Variants in RMDN2 observed in about 807,000 individuals in gnomAD.
RMDN2 encodes regulator of microtubule dynamics 2, also known as regulator of microtubule dynamics protein 2.
Under a neutral mutation model 52.8 loss-of-function variants are expected in RMDN2, and 61 were observed. That is an observed-to-expected ratio of 1.16 (90% CI 0.94 to 1.43). The LOEUF (loss-of-function observed/expected upper bound fraction) is 1.43. Ranked by LOEUF, RMDN2 falls within the 40% of genes most tolerant of loss-of-function variation. RMDN2 has a pLI of 0.00. For missense variants in RMDN2, 592 were observed against 475.3 expected (o/e 1.25, Z -2.28); for synonymous variants, 180 against 153.1 (o/e 1.18, Z -1.30).
intron 7 of RMDN2, among the ~76,000 whole-genome samples, chr2:37,992,831 G>T (rs1026786984): frequency 6.6e-6 from 1 of 152,128 alleles, no homozygotes; most frequent in South Asian, 2.1e-4. Flanking sequence ...ACCCTATAAG[G>T]TTAATAAGGT....
In RMDN2 at chr2:37,950,512, G is replaced by C. The variant is rs777759867; in HGVS notation, c.452+20783G>C. Reference sequence around the variant, plus strand: ...TTCTGACCTGTTCCACCTCTACAGGGCATTTTATGGCTTAAGGATGACGGC... The same window carrying C: ...TTCTGACCTGTTCCACCTCTACAGGCCATTTTATGGCTTAAGGATGACGGC... On this transcript the variant is annotated intron_variant, in intron 2 of 10. Transcript: ENST00000354545. 1.3e-5 allele frequency: 21 copies of C among 1,612,584 alleles called. No individual in the cohort carries two copies. The African/African-American group carries it at 2.3e-4, about 17-fold the overall frequency.
At chr2:38,000,064 A>C (rs544762319) in intron 8 of RMDN2, among the ~76,000 whole-genome samples, 25 of 152,318 alleles carry the variant, frequency 1.6e-4, no homozygotes, top group African/African-American at 5.8e-4. Context: ...AATGTTAGCT[A>C]CTATTGTTTT....
chr2:37,961,726 T>C (rs1362156816), intron 2 of RMDN2, among the ~76,000 whole-genome samples: 1 of 152,068 alleles, frequency 6.6e-6, no homozygotes, highest in Non-Finnish European at 1.5e-5. Context: ...CCAGCTTTGT[T>C]CCCTTGCTGG....
chr2:37,998,251 A>C (rs1675839438), intron 8 of RMDN2: 2 of 152,238 alleles, frequency 1.3e-5, no homozygotes, highest in South Asian at 2.1e-4. Flanking sequence ...ACAAGGCTGC[A>C]TGCAGTGGCT....
intron 10 of RMDN2, among the ~76,000 whole-genome samples, chr2:38,014,271 G>A (rs116306947): frequency 0.016 from 2,496 of 152,148 alleles, 59 homozygotes; most frequent in African/African-American, 0.057. Context: ...TTTTCCCGCT[G>A]TCTAAACAGT....
At chr2:37,978,948 T>C (rs1672944779) in intron 4 of RMDN2, among the ~76,000 whole-genome samples, 1 of 152,182 alleles carries the variant, frequency 6.6e-6, no homozygotes, top group Non-Finnish European at 1.5e-5. Context: ...TCTCTATTCT[T>C]AAATGGAATG....
chr2:37,976,913 C>A lies in RMDN2; in HGVS notation c.730+1599C>A, dbSNP rs1468469059. On this transcript the variant is annotated intron_variant, in intron 4 of 10. Transcript: ENST00000354545. ...CTCGGAGAGGGGGATTTGGCAGGGTCACAGGACAATAGTGGAGGGAAGGTC... is the reference window on the plus strand; with the variant it reads ...CTCGGAGAGGGGGATTTGGCAGGGTAACAGGACAATAGTGGAGGGAAGGTC... 2.6e-5 allele frequency among the ~76,000 whole-genome samples: 4 copies of A among 151,032 alleles called. 1 individual carries two copies. Among genetic ancestry groups the A allele is most frequent in the Admixed American group, 6.6e-5 (1 of 15,158 alleles).
chr2:37,937,029 T>A lies in RMDN2; in HGVS notation c.452+7300T>A, dbSNP rs1186832853. ...TTCTAGGGTTTTTATGGTTTTCAGG[T>A]CTTAACGCTTAAGTCTTTAATCCAA... On this transcript the variant is annotated intron_variant, in intron 2 of 10. Coordinates refer to ENST00000354545, the MANE Select transcript of RMDN2 (RefSeq NM_001170791.3). Among the ~76,000 whole-genome samples the A allele has an allele frequency of 2.6e-5, 4 of 152,346 alleles. No individual in the cohort carries two copies. The East Asian group carries it at 7.7e-4, about 29-fold the overall frequency.
At chr2:37,951,433 C>G (rs748185366) in intron 2 of RMDN2, 1 of 1,611,920 alleles carries the variant, frequency 6.2e-7, no homozygotes, top group East Asian at 2.2e-5. Flanking sequence ...CCATCTTTCT[C>G]TGAAAGAAGA....
chr2:37,934,686 A>T (rs1011456657), intron 2 of RMDN2, among the ~76,000 whole-genome samples: 17 of 152,184 alleles, frequency 1.1e-4, no homozygotes, highest in Non-Finnish European at 2.4e-4. Flanking sequence ...GGAGGATGAT[A>T]TCAGAGGCTG....
intron 10 of RMDN2, among the ~76,000 whole-genome samples, chr2:38,051,682 CT>C (rs1352526249): frequency 6.6e-6 from 1 of 152,176 alleles, no homozygotes; most frequent in Non-Finnish European, 1.5e-5. Context: ...TCCTCTCCCC[CT>C]ACACATACCT....
At chr2:37,993,457 T>C (rs1283706107) in intron 7 of RMDN2, among the ~76,000 whole-genome samples, 1 of 151,108 alleles carries the variant, frequency 6.6e-6, no homozygotes, top group Non-Finnish European at 1.5e-5. Context: ...TATCTTAAAG[T>C]GTGTGTTAGT....
chr2:37,967,470 G>A (rs1354088989), intron 2 of RMDN2, among the ~76,000 whole-genome samples: 2 of 152,158 alleles, frequency 1.3e-5, no homozygotes, highest in Non-Finnish European at 2.9e-5. Flanking sequence ...AGGTGAAAGT[G>A]GTCCAATCAA....
intron 4 of RMDN2, 78 bp downstream of exon 4, chr2:37,975,392 T>A (rs1672338046): frequency 3.7e-6 from 3 of 819,388 alleles, no homozygotes; most frequent in Non-Finnish European, 6.2e-6. Context: ...AAAGGATGAG[T>A]TCATGTCCTT....
chr2:37,968,238 C>T (rs571286020), intron 2 of RMDN2, among the ~76,000 whole-genome samples: 2 of 151,950 alleles, frequency 1.3e-5, no homozygotes, highest in East Asian at 1.9e-4. Context: ...GTCAGGAGTT[C>T]GAGACCAGCC....
chr2:38,043,192 T>C (rs149458205), intron 10 of RMDN2, among the ~76,000 whole-genome samples: 218 of 152,324 alleles, frequency 1.4e-3, no homozygotes, highest in African/African-American at 5.2e-3. Flanking sequence ...TGTGTACACA[T>C]TGAGGATTGT....
intron 2 of RMDN2, among the ~76,000 whole-genome samples, chr2:37,960,804 G>C (rs1670118491): frequency 6.6e-6 from 1 of 152,104 alleles, no homozygotes; most frequent in South Asian, 2.1e-4. Flanking sequence ...GTGTATTTTG[G>C]TATGTTTTTG....
At chr2:37,941,079 G>A (rs759041476) in intron 2 of RMDN2, among the ~76,000 whole-genome samples, 6 of 152,118 alleles carry the variant, frequency 3.9e-5, no homozygotes, top group South Asian at 2.1e-4. Context: ...GAGTTTTTGC[G>A]TGGTCTTCCT....
At chr2:38,021,066 ACAC>A (rs1247084099), downstream of RMDN2, among the ~76,000 whole-genome samples, 1 of 152,170 alleles carries the variant, frequency 6.6e-6, no homozygotes, top group Non-Finnish European at 1.5e-5. Context: ...GTTTGTAAAC[ACAC>A]CAATCAGCAC....
Sources: allele counts gnomAD v4.1 joint callset (sites outside exome capture counted in the v4.1 genomes callset), GRCh38; gene constraint gnomAD v4.1.1; transcripts MANE v1.5; gene names NCBI Gene and HGNC (gene_info 2026-07-23, HGNC 2026-07-21).